Variants in TMTC1 observed in about 807,000 individuals in gnomAD.
The protein encoded by TMTC1 is protein O-mannosyl-transferase TMTC1.
A neutral mutation model predicts 104.8 loss-of-function variants in TMTC1; 73 were observed. That is an observed-to-expected ratio of 0.70 (90% CI 0.58 to 0.85). The LOEUF is 0.85. Among genes scored for constraint, TMTC1 ranks in the 40% least tolerant of loss-of-function variants. The pLI, the probability that TMTC1 is intolerant of heterozygous loss-of-function variation, is 0.00. For synonymous variants in TMTC1, 434 were observed against 428.7 expected (o/e 1.01, Z -0.15); for missense variants, 1,035 against 1,096.1 (o/e 0.94, Z 0.79).
chr12:29,513,866 T>C (rs191478823), intron 16 of TMTC1, among the ~76,000 whole-genome samples: 15 of 152,206 alleles, frequency 9.9e-5, no homozygotes, highest in East Asian at 3.9e-4. Flanking sequence ...CAAGGATTTG[T>C]GCGTGCCTGC....
At chr12:29,578,611 G>T (rs1039307554) in intron 8 of TMTC1, among the ~76,000 whole-genome samples, 1 of 152,096 alleles carries the variant, frequency 6.6e-6, no homozygotes, top group South Asian at 2.1e-4. Context: ...TTAAATCCAC[G>T]CATTTCACGT....
intron 7 of TMTC1, among the ~76,000 whole-genome samples, chr12:29,599,211 A>G (rs1005400279): frequency 9.2e-5 from 14 of 152,254 alleles, no homozygotes; most frequent in African/African-American, 3.4e-4. Flanking sequence ...AACACAAAAA[A>G]GATAGCCATA....
chr12:29,672,338 G>T, intron 5 of TMTC1, among the ~76,000 whole-genome samples: 1 of 152,192 alleles, frequency 6.6e-6, no homozygotes, highest in East Asian at 1.9e-4. Context: ...CAAACCACAG[G>T]GTCAGTACCC....
chr12:29,522,363 T>A (rs972262535), intron 11 of TMTC1, among the ~76,000 whole-genome samples: 2 of 152,200 alleles, frequency 1.3e-5, no homozygotes, highest in Non-Finnish European at 2.9e-5. Context: ...GAACAAGGTG[T>A]GGTTTGTCAA....
chr12:29,638,042 C>T (rs797020760), intron 5 of TMTC1, among the ~76,000 whole-genome samples: 6 of 152,212 alleles, frequency 3.9e-5, no homozygotes, highest in East Asian at 1.9e-4. Flanking sequence ...CTACTGATAC[C>T]GCTGACATGG....
At chr12:29,697,895 G>A (rs1025677630) in intron 5 of TMTC1, among the ~76,000 whole-genome samples, 1 of 152,132 alleles carries the variant, frequency 6.6e-6, no homozygotes, top group African/African-American at 2.4e-5. Context: ...AAAAGAAGAA[G>A]AAAACCCTCA....
intron 5 of TMTC1, among the ~76,000 whole-genome samples, chr12:29,741,311 T>A (rs75256293): frequency 0.025 from 3,731 of 152,254 alleles, 141 homozygotes; most frequent in African/African-American, 0.083. Flanking sequence ...CATTATGGTA[T>A]CTCATTTTAG....
intron 5 of TMTC1, among the ~76,000 whole-genome samples, chr12:29,717,421 T>C (rs367656066): frequency 1.3e-5 from 2 of 152,184 alleles, no homozygotes; most frequent in African/African-American, 4.8e-5. Context: ...GTGGTGCATG[T>C]GAAACTTGCC....
chr12:29,511,827 G>A (rs1943846112), intron 17 of TMTC1, among the ~76,000 whole-genome samples: 1 of 152,102 alleles, frequency 6.6e-6, no homozygotes, highest in African/African-American at 2.4e-5. Flanking sequence ...AATTTATACA[G>A]ATTTATTTTT....
At chr12:29,575,632 A>T (rs898834384) in intron 8 of TMTC1, among the ~76,000 whole-genome samples, 2 of 151,994 alleles carry the variant, frequency 1.3e-5, no homozygotes, top group Admixed American at 1.3e-4. Flanking sequence ...CAGCCAAAAG[A>T]AACAGACCAT....
chr12:29,743,859 T>G (rs896894121), intron 5 of TMTC1, among the ~76,000 whole-genome samples: 2 of 152,148 alleles, frequency 1.3e-5, no homozygotes, highest in South Asian at 2.1e-4. Flanking sequence ...GGCAAAGATA[T>G]CAGCAGCTAA....
intron 4 of TMTC1, among the ~76,000 whole-genome samples, chr12:29,753,220 C>A (rs755432572): frequency 5.3e-5 from 8 of 152,150 alleles, no homozygotes; most frequent in African/African-American, 1.7e-4. Context: ...GGGGAGTAGA[C>A]CCCTAGGTGC....
upstream of TMTC1, chr12:29,783,958 T>G: frequency 4.1e-6 from 1 of 246,506 alleles, no homozygotes. The surrounding 1 kb of genome is among the most constrained non-coding windows in gnomAD (Gnocchi z 4.7). Context: ...TCCCCCCGCC[T>G]CCCCCGGCCA....
At position 29,501,793 on chromosome 12, in the gene TMTC1, T is replaced by C. The variant is rs1592136155; in HGVS notation, c.*5053A>G. 2 of 152,314 alleles carry C rather than the reference T, an allele frequency of 1.3e-5. No individual in the cohort carries two copies. Among genetic ancestry groups the C allele is most frequent in the East Asian group, 1.9e-4 (1 of 5,184 alleles). 9.4% of individuals were successfully genotyped at this position (152,314 alleles called of 1,614,324 possible). ...GAGTTACAGGCCCTAAAGATTTTAATTGAAAAGATCAATTAAAATCAATAT... is the reference window on the plus strand; with the variant it reads ...GAGTTACAGGCCCTAAAGATTTTAACTGAAAAGATCAATTAAAATCAATAT... On this transcript the variant is annotated 3_prime_UTR_variant, in exon 18 of 18. Coordinates refer to ENST00000539277, the MANE Select transcript of TMTC1 (RefSeq NM_001193451.2).
In TMTC1 at chr12:29,514,611, AG is replaced by A; in HGVS notation, c.2308-8del. 2 of 1,603,696 alleles carry A rather than the reference AG, an allele frequency of 1.2e-6. No homozygotes were observed. Among genetic ancestry groups the A allele is most frequent in the Non-Finnish European group, 1.7e-6 (2 of 1,177,476 alleles). The stretch of plus-strand genomic sequence containing the variant: ...TGTCTATAGCATCAAGTGCCTGCAG[AG>A]GTTGGAAATTAAGACAGAATAAATG... On this transcript the variant is annotated splice_polypyrimidine_tract_variant and splice_region_variant and intron_variant, in intron 15 of 17. Transcript: ENST00000539277.
At position 29,505,050 on chromosome 12, in the gene TMTC1, A is replaced by T. The variant is rs1943668374; in HGVS notation, c.*1796T>A. ...AAATGGTTGTAGTGGTAACATATAC[A>T]TTCTTGGATTACTGTTGCACACAAA... is the stretch of plus-strand genomic sequence containing the variant. On this transcript the variant is annotated 3_prime_UTR_variant, in exon 18 of 18. Transcript: ENST00000539277. 6.6e-6 allele frequency: 1 copy of T among 152,218 alleles called. No homozygotes were observed. The highest frequency in any genetic ancestry group is 2.1e-4 in the South Asian group (1 of 4,824). 9.4% of individuals were successfully genotyped at this position (152,218 alleles called of 1,614,324 possible). A position where few individuals can be genotyped will look rare whatever the true frequency, so the allele number is the denominator to read the frequency against.
chr12:29,547,684 G>T (rs1430043633), intron 10 of TMTC1, among the ~76,000 whole-genome samples: 1 of 152,176 alleles, frequency 6.6e-6, no homozygotes, highest in Non-Finnish European at 1.5e-5. Context: ...GCTGGGGTCT[G>T]GGTTTACACA....
At chr12:29,565,431 T>G (rs1294055782) in intron 9 of TMTC1, among the ~76,000 whole-genome samples, 1 of 152,300 alleles carries the variant, frequency 6.6e-6, no homozygotes, top group African/African-American at 2.4e-5. Context: ...CTTGCCAATC[T>G]AGCACTCAGG....
At position 29,783,599 on chromosome 12, in the gene TMTC1, G is replaced by C; in HGVS notation, c.153C>G (p.His51Gln). Residue 51 changes from histidine (H) to glutamine (Q), a missense_variant, in exon 1 of 18, where the codon CAC (histidine) becomes CAG (glutamine). By Grantham distance (24) the His-to-Gln change is conservative. Coordinates refer to ENST00000539277, the MANE Select transcript of TMTC1 (RefSeq NM_001193451.2). This position sits in a 1 kb window ranked among gnomAD's most constrained non-coding sequence, Gnocchi z 4.7. ...TGTTCACGATCGCCCACACGTCGTC[G>C]TGCACGAACTCGCCCTGCAGGGAGC... ...YGRSLQGEFV[H>Q]DDVWAIVNNP... is the part of the protein sequence containing the mutation. 1 of 1,478,500 alleles carries C rather than the reference G, an allele frequency of 6.8e-7. No homozygotes were observed. The highest frequency in any genetic ancestry group is 8.9e-7 in the Non-Finnish European group (1 of 1,118,536). The allele number at this position is 1,478,500 out of a possible 1,614,324, so 91.6% of individuals were successfully genotyped here.
Sources: gnomAD v4.1 joint callset for allele counts (sites outside exome capture counted in the v4.1 genomes callset) on GRCh38, gnomAD v4.1.1 for gene constraint, Gnocchi (gnomAD v3.1) non-coding constraint, MANE v1.5 for transcripts, NCBI Gene and HGNC (gene_info 2026-07-23, HGNC 2026-07-21) for gene names.